EYA2: variants seen among roughly 807,000 people sequenced by gnomAD.
EYA2 encodes EYA transcriptional coactivator and phosphatase 2, also known as protein phosphatase EYA2.
Under a neutral mutation model 69.2 loss-of-function variants are expected in EYA2, and 31 were observed. The observed-to-expected ratio is 0.45, with a 90% CI of 0.34 to 0.60. The LOEUF (loss-of-function observed/expected upper bound fraction) is 0.60. EYA2 is among the 20% of genes least tolerant of loss of function. The pLI is 0.02. For synonymous variants in EYA2, 257 were observed against 279.4 expected, an observed-to-expected ratio of 0.92 and a Z score of 0.80; for missense variants, 622 against 701.2, an observed-to-expected ratio of 0.89 and a Z score of 1.28.
At chr20:47,177,938 T>G (rs1270808966) in intron 12 of EYA2, among the ~76,000 whole-genome samples, 2 of 152,182 alleles carry the variant, frequency 1.3e-5, no homozygotes, top group Non-Finnish European at 2.9e-5. Context: ...AGAAGTGCTG[T>G]GAAGAAGAGC....
intron 2 of EYA2, among the ~76,000 whole-genome samples, chr20:46,995,759 G>A (rs1406692495): frequency 6.6e-6 from 1 of 152,228 alleles, no homozygotes; most frequent in East Asian, 1.9e-4. Context: ...AATCCTCCCA[G>A]TGAGAGGTGA....
intron 10 of EYA2, among the ~76,000 whole-genome samples, chr20:47,157,574 G>A (rs1200146847): frequency 6.6e-6 from 1 of 151,762 alleles, no homozygotes; most frequent in Non-Finnish European, 1.5e-5. Flanking sequence ...AGAATGAAAG[G>A]GTGGACATTA....
In EYA2 at chr20:47,143,241, CT is replaced by C. The variant is rs961756252; in HGVS notation, c.978+98del. The C allele has an allele frequency of 1.6e-4, 188 of 1,145,742 alleles. No individual in the cohort carries two copies. In the South Asian group the frequency reaches 1.7e-3, roughly 10 times the overall value. 71.0% of individuals were successfully genotyped at this position (1,145,742 alleles called of 1,614,324 possible). The stretch of plus-strand genomic sequence containing the variant: ...AGGATGCTGCCTTTCCTTTCTTTTT[CT>C]TTTTCTTTTTTTCTCCTTTTTCTTT... On this transcript the variant is annotated intron_variant, in intron 10 of 15. Coordinates refer to ENST00000327619, the MANE Select transcript of EYA2 (RefSeq NM_005244.5).
chr20:46,994,878 T>C, intron 2 of EYA2, among the ~76,000 whole-genome samples: 1 of 150,508 alleles, frequency 6.6e-6, no homozygotes, highest in African/African-American at 2.5e-5. Context: ...TCAGACCACC[T>C]CTACTGCCAC....
chr20:47,062,111 A>G (rs1021096481), intron 5 of EYA2, among the ~76,000 whole-genome samples: 3 of 152,160 alleles, frequency 2.0e-5, no homozygotes, highest in African/African-American at 7.2e-5. Flanking sequence ...TCCTGGGCTC[A>G]CTTACCACTT....
chr20:46,971,597 G>C (rs532173083), intron 1 of EYA2, among the ~76,000 whole-genome samples: 2 of 152,242 alleles, frequency 1.3e-5, no homozygotes, highest in African/African-American at 4.8e-5. Flanking sequence ...TTGTAGAAGA[G>C]AGAAGAGAAA....
chr20:46,950,646 G>A (rs941764858), intron 1 of EYA2, among the ~76,000 whole-genome samples: 5 of 152,220 alleles, frequency 3.3e-5, no homozygotes, highest in African/African-American at 7.2e-5. Context: ...TACTCAAATT[G>A]CCTCTGCCGT....
At chr20:47,130,261 C>CTTTTTCTTTTT (rs2033305873) in intron 9 of EYA2, among the ~76,000 whole-genome samples, 1 of 81,258 alleles carries the variant, frequency 1.2e-5, no homozygotes, top group Non-Finnish European at 2.2e-5. Context: ...GGTTTATTTT[C>CTTTTTCTTTTT]TTTTTTTTTT....
intron 1 of EYA2, among the ~76,000 whole-genome samples, chr20:46,900,731 T>C (rs980555140): frequency 3.3e-5 from 5 of 152,256 alleles, no homozygotes; most frequent in Non-Finnish European, 5.9e-5. Flanking sequence ...ATTTTGATGA[T>C]CTTTGAGGCT....
chr20:47,134,825 T>A (rs772637538), intron 9 of EYA2, among the ~76,000 whole-genome samples: 1 of 152,104 alleles, frequency 6.6e-6, no homozygotes, highest in Non-Finnish European at 1.5e-5. Context: ...AACAAAACTT[T>A]ATTTACAAAA....
chr20:47,170,452 G>A (rs553702305), intron 11 of EYA2, among the ~76,000 whole-genome samples: 1 of 151,806 alleles, frequency 6.6e-6, no homozygotes, highest in African/African-American at 2.4e-5. Context: ...TTCGAGACCA[G>A]CCTGGCCAAC....
chr20:47,002,508 C>T (rs1444756988), intron 3 of EYA2, among the ~76,000 whole-genome samples: 1 of 152,192 alleles, frequency 6.6e-6, no homozygotes, highest in Non-Finnish European at 1.5e-5. Context: ...TTTCCAGCTT[C>T]ATCTGTATCC....
At chr20:46,941,196 C>T (rs953401028) in intron 1 of EYA2, among the ~76,000 whole-genome samples, 2 of 152,212 alleles carry the variant, frequency 1.3e-5, no homozygotes, top group Non-Finnish European at 2.9e-5. Context: ...GGCTTTGCCC[C>T]TAAGAGCTGC....
chr20:47,156,119 CACACACACATATATAT>C (rs2033930925), intron 10 of EYA2, among the ~76,000 whole-genome samples: 1 of 24,574 alleles, frequency 4.1e-5, no homozygotes, highest in Admixed American at 6.4e-4. Flanking sequence ...CACACACACA[CACACACACATATATAT>C]ATATATATAT....
At chr20:47,152,300 A>ATTGTGAAT (rs2033838524) in intron 10 of EYA2, among the ~76,000 whole-genome samples, 1 of 151,520 alleles carries the variant, frequency 6.6e-6, no homozygotes, top group African/African-American at 2.4e-5. Context: ...CGCTGTACAC[A>ATTGTGAAT]TACCTCCTAC....
At chr20:46,924,873 G>A (rs1007367179) in intron 1 of EYA2, among the ~76,000 whole-genome samples, 2 of 152,142 alleles carry the variant, frequency 1.3e-5, no homozygotes, top group Non-Finnish European at 2.9e-5. Flanking sequence ...TCCTGGGACT[G>A]ATGTAAAAAA....
intron 1 of EYA2, among the ~76,000 whole-genome samples, chr20:46,927,861 G>A (rs1197022171): frequency 3.3e-5 from 5 of 152,184 alleles, no homozygotes; most frequent in African/African-American, 1.2e-4. Context: ...CGAGTCGCTA[G>A]TACCTGTCTC....
intron 1 of EYA2, among the ~76,000 whole-genome samples, chr20:46,950,775 T>G (rs1978748052): frequency 6.6e-6 from 1 of 152,180 alleles, no homozygotes; most frequent in African/African-American, 2.4e-5. Flanking sequence ...GGTGTCTTTG[T>G]GTGGGTTCCC....
chr20:47,169,509 T>G (rs1466223536), intron 11 of EYA2, among the ~76,000 whole-genome samples: 1 of 152,124 alleles, frequency 6.6e-6, no homozygotes, highest in African/African-American at 2.4e-5. Context: ...AGTAAAAATT[T>G]GTTTAAAAAA....
Sources: allele counts gnomAD v4.1 joint callset (sites outside exome capture counted in the v4.1 genomes callset), GRCh38; gene constraint gnomAD v4.1.1; transcripts MANE v1.5; gene names NCBI Gene and HGNC (gene_info 2026-07-23, HGNC 2026-07-21).